PDCD2L: variants seen among roughly 807,000 people sequenced by gnomAD.
PDCD2L encodes programmed cell death 2 like.
PDCD2L carries 44 observed loss-of-function variants against 40.4 expected under a neutral mutation model. That is an observed-to-expected ratio of 1.09 (90% CI 0.86 to 1.40). PDCD2L has a LOEUF of 1.40. Ranked by LOEUF, PDCD2L falls within the 40% of genes most tolerant of loss-of-function variation. PDCD2L has a pLI of 0.00. For synonymous variants in PDCD2L, 194 were observed against 174.6 expected (o/e 1.11, Z -0.88); for missense variants, 470 against 453.7 (o/e 1.04, Z -0.33).
In PDCD2L at chr19:34,404,504, G is replaced by T. The variant is rs557528933; in HGVS notation, c.74G>T (p.Gly25Val). The change falls in exon 1 of 7, where the codon GGT (glycine) becomes GTT (valine). Residue 25 changes from glycine (G) to valine (V), a missense_variant. Transcript: ENST00000246535. ...GTGCACGGCAGCCCCACAGGGCCGGGTGCCTGGACTGCTAGCAAGCTGGGC... is the reference window on the plus strand; with the variant it reads ...GTGCACGGCAGCCCCACAGGGCCGGTTGCCTGGACTGCTAGCAAGCTGGGC... ...APVHGSPTGP[G>V]AWTASKLGGI... is the part of the protein sequence containing the mutation. 1.7e-5 allele frequency: 27 copies of T among 1,542,978 alleles called. No homozygotes were observed. In the African/African-American group the frequency reaches 3.1e-4, roughly 18 times the overall value.
chr19:34,409,277 C>T lies in PDCD2L; in HGVS notation c.453C>T (p.Ser151=). The part of the protein sequence containing the change: ...QFTLDFGNDA[S]SAKDVDWTAR... ...CCTTGGATTTTGGGAATGATGCCAG[C>T]AGTGCCAAAGACGTAGACTGGACTG... Residue 151 remains serine (S), a synonymous_variant, in exon 4 of 7, where the codon AGC becomes AGT. Coordinates refer to ENST00000246535, the MANE Select transcript of PDCD2L (RefSeq NM_032346.2). The T allele has an allele frequency of 1.2e-6, 2 of 1,614,152 alleles. No homozygotes were observed. The highest frequency in any genetic ancestry group is 1.7e-6 in the Non-Finnish European group (2 of 1,180,040).
At position 34,404,705 on chromosome 19, in the gene PDCD2L, G is replaced by T. The variant is rs2075064528; in HGVS notation, c.165G>T (p.Pro55=). 6.2e-7 allele frequency: 1 copy of T among 1,612,078 alleles called. No individual in the cohort carries two copies. Among genetic ancestry groups the T allele is most frequent in the African/African-American group, 1.3e-5 (1 of 75,042 alleles). Residue 55 remains proline (P), a synonymous_variant, in exon 2 of 7, where the codon CCG becomes CCT. Coordinates refer to ENST00000246535, the MANE Select transcript of PDCD2L (RefSeq NM_032346.2). ...CCGTGTGTCAGCGCTGCGGGCAGCC[G>T]CTCGCTCTGGTCGTGCAGGTGTATT... is the stretch of plus-strand genomic sequence containing the variant. ...PRPVCQRCGQ[P]LALVVQVYCP...
chr19:34,405,095 G>A lies in PDCD2L; in HGVS notation c.336+105G>A, dbSNP rs1183214177. 2.6e-6 allele frequency: 3 copies of A among 1,159,508 alleles called. No individual in the cohort carries two copies. The African/African-American group carries it at 4.7e-5, about 18-fold the overall frequency. 71.8% of individuals were successfully genotyped at this position (1,159,508 alleles called of 1,614,324 possible). ...AAGCCGTGTTCTTTGAAGTACACTGGAGTGTTTTTTGCTTTTCTGAAGAAC... is the reference window on the plus strand; with the variant it reads ...AAGCCGTGTTCTTTGAAGTACACTGAAGTGTTTTTTGCTTTTCTGAAGAAC... On this transcript the variant is annotated intron_variant, in intron 3 of 6. Coordinates refer to ENST00000246535, the MANE Select transcript of PDCD2L (RefSeq NM_032346.2).
intron 4 of PDCD2L, among the ~76,000 whole-genome samples, chr19:34,411,521 A>T (rs918373585): frequency 6.6e-6 from 1 of 151,958 alleles, no homozygotes; most frequent in Non-Finnish European, 1.5e-5. Flanking sequence ...CCGGGATTAC[A>T]GGTATTAGCC....
At chr19:34,412,995 C>T (rs1355780520) in intron 4 of PDCD2L, among the ~76,000 whole-genome samples, 1 of 152,112 alleles carries the variant, frequency 6.6e-6, no homozygotes, top group Non-Finnish European at 1.5e-5. Context: ...CTGCCTCGGC[C>T]TCCCAAAGTG....
At chr19:34,405,142 AG>A (rs1338766544) in intron 3 of PDCD2L, 152 bp downstream of exon 3, 31 of 364,596 alleles carry the variant, frequency 8.5e-5, no homozygotes, top group Non-Finnish European at 1.2e-4. Context: ...ATTTTCGTAA[AG>A]TTTTTTTTTT....
At chr19:34,424,588 C>T (rs2075167351) in intron 6 of PDCD2L, among the ~76,000 whole-genome samples, 2 of 152,084 alleles carry the variant, frequency 1.3e-5, no homozygotes, top group African/African-American at 4.8e-5. Context: ...TTGGGGTGGG[C>T]TGTCCACATG....
At chr19:34,411,537 G>A (rs1372702141) in intron 4 of PDCD2L, among the ~76,000 whole-genome samples, 3 of 151,360 alleles carry the variant, frequency 2.0e-5, no homozygotes, top group African/African-American at 4.9e-5. Context: ...TAGCCACCAC[G>A]CCCAGCCTGC....
intron 3 of PDCD2L, among the ~76,000 whole-genome samples, chr19:34,408,343 T>C (rs1439016234): frequency 1.3e-5 from 2 of 151,924 alleles, no homozygotes; most frequent in Admixed American, 1.3e-4. Flanking sequence ...TTTTCTTTTT[T>C]TTTTTGAGAC....
rs375957227 is a variant in PDCD2L, at chr19:34,421,504, G to T, written c.798-15G>T. On this transcript the variant is annotated splice_polypyrimidine_tract_variant and intron_variant, in intron 5 of 6. Coordinates refer to ENST00000246535, the MANE Select transcript of PDCD2L (RefSeq NM_032346.2). ...GTGTGGCTCTGATTCGGGGTTCTTT[G>T]TTTCCTTGTCCTAGGTATTCCTGGA... 160 of 1,612,960 alleles carry T rather than the reference G, an allele frequency of 9.9e-5. No homozygotes were observed. In the African/African-American group the frequency reaches 1.9e-3, roughly 19 times the overall value.
At chr19:34,425,163 T>C (rs975876489) in intron 6 of PDCD2L, among the ~76,000 whole-genome samples, 4 of 152,156 alleles carry the variant, frequency 2.6e-5, no homozygotes, top group Non-Finnish European at 2.9e-5. Flanking sequence ...TTATTGCTTA[T>C]GTTTTCTTGG....
chr19:34,421,292 G>T (rs1354213618), intron 5 of PDCD2L: 1 of 521,046 alleles, frequency 1.9e-6, no homozygotes, highest in Non-Finnish European at 3.5e-6. Context: ...CTTTGTTGCA[G>T]CTTTACCTAG....
chr19:34,409,374 C>T lies in PDCD2L; in HGVS notation c.550C>T (p.Leu184Phe). ...CCATCCTGTGCCTCCTGGGCTGCCG[C>T]TCTTCCTGCCCTACTACATCTGTGT... is the stretch of plus-strand genomic sequence containing the variant. ...AAHPVPPGLP[L>F]FLPYYICVAD... Residue 184 changes from leucine to phenylalanine, a missense_variant, in exon 4 of 7, where the codon CTC (leucine) becomes TTC (phenylalanine). Leu to Phe is a conservative substitution (Grantham distance 22, BLOSUM62 0). Coordinates refer to ENST00000246535, the MANE Select transcript of PDCD2L (RefSeq NM_032346.2). The T allele has an allele frequency of 6.2e-7, 1 of 1,614,208 alleles. No homozygotes were observed. The highest frequency in any genetic ancestry group is 8.5e-7 in the Non-Finnish European group (1 of 1,180,020).
Position 34,413,796 on chromosome 19 carries a change from C to T in PDCD2L, c.746C>T (p.Thr249Met), listed in dbSNP as rs1004911066. 23 of 1,608,268 alleles carry T rather than the reference C, an allele frequency of 1.4e-5. 1 individual carries two copies. The highest frequency in any genetic ancestry group is 4.5e-5 in the East Asian group (2 of 44,774). The part of the protein sequence containing the change: ...EKTIIKSGDQ[T>M]FYKFMKRIAA... Reference sequence around the variant, plus strand: ...ACCATAATTAAAAGTGGAGATCAGACGTTTTACAAATTCATGAAGCGAATT... The same window carrying T: ...ACCATAATTAAAAGTGGAGATCAGATGTTTTACAAATTCATGAAGCGAATT... Residue 249 changes from threonine (T) to methionine (M), a missense_variant, in exon 5 of 7, where the codon ACG becomes ATG. Transcript: ENST00000246535.
In PDCD2L at chr19:34,404,661, A is replaced by G; in HGVS notation, c.121A>G (p.Thr41Ala). The change falls in exon 2 of 7, where the codon ACC (threonine) becomes GCC (alanine). Residue 41 changes from threonine to alanine, a missense_variant. Physicochemically the swap from Thr to Ala is moderately conservative, Grantham distance 58. Transcript: ENST00000246535. ...TCTGTCCCCTCAGGATGCTCTGCCCACCGTGGCTGCGCCCAGGCCCGTGTG... is the reference window on the plus strand; with the variant it reads ...TCTGTCCCCTCAGGATGCTCTGCCCGCCGTGGCTGCGCCCAGGCCCGTGTG... ...KLGGIPDALP[T>A]VAAPRPVCQR... The G allele has an allele frequency of 6.2e-7, 1 of 1,611,154 alleles. No homozygotes were observed.
chr19:34,416,728 A>G (rs1335996654), intron 5 of PDCD2L, among the ~76,000 whole-genome samples: 2 of 152,200 alleles, frequency 1.3e-5, no homozygotes, highest in African/African-American at 2.4e-5. Context: ...GAGCTAGATG[A>G]AAAATAGCAT....
chr19:34,417,834 A>G (rs1197813059), intron 5 of PDCD2L, among the ~76,000 whole-genome samples: 1 of 152,236 alleles, frequency 6.6e-6, no homozygotes, highest in African/African-American at 2.4e-5. Flanking sequence ...ATTCAAAGAT[A>G]AAATTGGGAA....
chr19:34,421,600 A>T lies in PDCD2L; in HGVS notation c.879A>T (p.Gly293=), dbSNP rs745905785. Residue 293 remains glycine (G), a synonymous_variant, in exon 6 of 7, where the codon GGA becomes GGT. Coordinates refer to ENST00000246535, the MANE Select transcript of PDCD2L (RefSeq NM_032346.2). ...VTELPACSQC[G]GQRIFEFQLM... ...AGCTCCCAGCCTGCAGCCAGTGTGG[A>T]GGCCAAAGGATATTTGAGTTTCAGC... The T allele has an allele frequency of 1.2e-6, 2 of 1,614,140 alleles. No homozygotes were observed. Among genetic ancestry groups the T allele is most frequent in the East Asian group, 4.5e-5 (2 of 44,874 alleles).
chr19:34,417,191 A>T (rs1055300613), intron 5 of PDCD2L, among the ~76,000 whole-genome samples: 1 of 152,230 alleles, frequency 6.6e-6, no homozygotes, highest in East Asian at 1.9e-4. Flanking sequence ...TAAGAACTTC[A>T]TAAGAATGGA....
Sources: gnomAD v4.1 joint callset for allele counts (sites outside exome capture counted in the v4.1 genomes callset) on GRCh38, gnomAD v4.1.1 for gene constraint, MANE v1.5 for transcripts, NCBI Gene and HGNC (gene_info 2026-07-23, HGNC 2026-07-21) for gene names.